ASH1L: variants seen among roughly 807,000 people sequenced by gnomAD.
ASH1L encodes ASH1 like histone lysine methyltransferase.
ASH1L carries 23 observed loss-of-function variants against 269.0 expected under a neutral mutation model. The ratio of observed to expected loss-of-function variants is 0.09; its 90% CI spans 0.06 to 0.12. The LOEUF (loss-of-function observed/expected upper bound fraction) is 0.12. Ranked by LOEUF, ASH1L falls within the 10% of genes least tolerant of loss-of-function variation. ASH1L has a pLI of 1.00. For missense variants in ASH1L, 2,912 were observed against 3,567.8 expected (o/e 0.82, Z 4.68); for synonymous variants, 1,187 against 1,253.5 (o/e 0.95, Z 1.12).
In ASH1L at chr1:155,562,203, G is replaced by A; in HGVS notation, c.-150C>T. 6.2e-7 allele frequency: 1 copy of A among 1,608,556 alleles called. No individual in the cohort carries two copies. The highest frequency in any genetic ancestry group is 8.5e-7 in the Non-Finnish European group (1 of 1,175,526). On this transcript the variant is annotated 5_prime_UTR_variant, in exon 1 of 28. Coordinates refer to ENST00000392403, the MANE Select transcript of ASH1L (RefSeq NM_018489.3). ...GAGAGCGATGAGAGTGCAGGGAAGT[G>A]GGGAAGAGGGGGTGGCCGCCAGGCT...
chr1:155,376,231 A>C (rs868294203), intron 10 of ASH1L, among the ~76,000 whole-genome samples: 1 of 152,254 alleles, frequency 6.6e-6, no homozygotes, highest in African/African-American at 2.4e-5. Flanking sequence ...TAAAATGATA[A>C]GGTGTGAATT....
chr1:155,479,123 T>C lies in ASH1L; in HGVS notation c.3747A>G (p.Lys1249=). 1 of 1,614,138 alleles carries C rather than the reference T, an allele frequency of 6.2e-7. No individual in the cohort carries two copies. The highest frequency in any genetic ancestry group is 1.1e-5 in the South Asian group (1 of 91,080). The change falls in exon 3 of 28, where the codon AAA becomes AAG. Residue 1249 remains lysine (K), a synonymous_variant. Transcript: ENST00000392403. The part of the protein sequence containing the change: ...TVLSSLKEKH[K]HKCKRRNHDY... ...CATGATTCCTGCGCTTACATTTGTG[T>C]TTATGTTTTTCTTTAAGACTGCTTA... is the stretch of plus-strand genomic sequence containing the variant.
intron 13 of ASH1L, chr1:155,358,605 G>A (rs4492610): frequency 0.25 from 38,176 of 151,244 alleles, 5,612 homozygotes; most frequent in East Asian, 0.73. Flanking sequence ...GGAGAATGGC[G>A]TGAACCTGGG....
rs532456162 is a variant in ASH1L, at chr1:155,456,739, A to T, written c.5086+3058T>A. Among the ~76,000 whole-genome samples, 42 of 152,338 alleles carry T rather than the reference A, an allele frequency of 2.8e-4. 1 individual carries two copies. The highest frequency in any genetic ancestry group is 2.5e-3 in the Admixed American group (38 of 15,304). On this transcript the variant is annotated intron_variant, in intron 4 of 27. Transcript: ENST00000392403. ...AATAGGCCAAAGACAGTCCAAATTT[A>T]ATATATCCAAATCTGAAGCCCTTAT...
intron 4 of ASH1L, among the ~76,000 whole-genome samples, chr1:155,452,544 G>A (rs1663562035): frequency 6.7e-6 from 1 of 150,322 alleles, no homozygotes; most frequent in African/African-American, 2.4e-5. Context: ...CCCTGCTAAG[G>A]TGTAACCTTT....
chr1:155,422,305 T>C, intron 5 of ASH1L, among the ~76,000 whole-genome samples: 1 of 96,026 alleles, frequency 1.0e-5, no homozygotes, highest in African/African-American at 3.6e-5. Flanking sequence ...CCCAGCTAAT[T>C]TTTTTTTTTT....
At chr1:155,348,008 T>C in intron 19 of ASH1L, 104 bp from the exon 20 acceptor site, 1 of 1,460,058 alleles carries the variant, frequency 6.8e-7, no homozygotes, top group Non-Finnish European at 9.4e-7. Context: ...CCCTCCCATT[T>C]TGGTTAACAG....
chr1:155,435,482 CAAGT>C (rs1306033744), intron 5 of ASH1L, among the ~76,000 whole-genome samples: 2 of 152,042 alleles, frequency 1.3e-5, no homozygotes, highest in East Asian at 3.8e-4. Context: ...GGGATAAGAG[CAAGT>C]GAGAGCATGT....
chr1:155,559,374 A>G (rs1299790133), intron 1 of ASH1L, among the ~76,000 whole-genome samples: 1 of 152,002 alleles, frequency 6.6e-6, no homozygotes, highest in Non-Finnish European at 1.5e-5. Context: ...TGTCTCTACT[A>G]AAAATACAAA....
rs74353643 is a variant in ASH1L at position 155,480,540 on chromosome 1, C to T, written c.2330G>A (p.Arg777His). 1.1e-3 allele frequency: 1,851 copies of T among 1,614,016 alleles called. 28 individuals carry two copies. In the African/African-American group the frequency reaches 0.023, roughly 20 times the overall value. ...PSFVDHDFLK[R>H]RLPKLSKSTA... is the part of the protein sequence containing the mutation. Reference sequence around the variant, plus strand: ...GGATTTGCTCAACTTTGGCAATCGGCGTTTAAGGAAGTCATGATCTACAAA... The same window carrying T: ...GGATTTGCTCAACTTTGGCAATCGGTGTTTAAGGAAGTCATGATCTACAAA... The change falls in exon 3 of 28, where the codon CGC becomes CAC. Residue 777 changes from arginine to histidine, a missense_variant. This residue lies in a region of ASH1L where 715 missense variants were observed against 721.0 expected (regional missense o/e 0.99). Transcript: ENST00000392403.
At chr1:155,377,302 G>A (rs932056770) in intron 10 of ASH1L, among the ~76,000 whole-genome samples, 2 of 152,102 alleles carry the variant, frequency 1.3e-5, no homozygotes, top group Non-Finnish European at 1.5e-5. Flanking sequence ...CCTATATGCC[G>A]ATGGTTTATC....
At chr1:155,468,522 T>C (rs2148695665) in intron 3 of ASH1L, among the ~76,000 whole-genome samples, 1 of 152,322 alleles carries the variant, frequency 6.6e-6, no homozygotes, top group East Asian at 1.9e-4. Context: ...AGTATTTATT[T>C]AGTCAATCAT....
intron 5 of ASH1L, among the ~76,000 whole-genome samples, chr1:155,435,142 G>C (rs1196666783): frequency 6.6e-6 from 1 of 151,976 alleles, no homozygotes; most frequent in African/African-American, 2.4e-5. Context: ...TGGGTGACTC[G>C]GTCTCAAAAA....
At chr1:155,439,260 C>T (rs1332307528) in intron 4 of ASH1L, among the ~76,000 whole-genome samples, 192 bp from the exon 5 acceptor site, 1 of 151,822 alleles carries the variant, frequency 6.6e-6, no homozygotes, top group Non-Finnish European at 1.5e-5. Flanking sequence ...CTATATTTCT[C>T]TAATAATATG....
intron 2 of ASH1L, among the ~76,000 whole-genome samples, chr1:155,506,090 T>C (rs2148806674): frequency 6.6e-6 from 1 of 152,306 alleles, no homozygotes; most frequent in South Asian, 2.1e-4. Context: ...CATGCAGTGT[T>C]TGGTTTTCTG....
At chr1:155,365,523 T>C (rs1052108942) in intron 12 of ASH1L, among the ~76,000 whole-genome samples, 1 of 152,018 alleles carries the variant, frequency 6.6e-6, no homozygotes, top group African/African-American at 2.4e-5. Context: ...ATGCCTGGCA[T>C]ATTGACAGTT....
At chr1:155,449,995 A>G (rs1663350587) in intron 4 of ASH1L, among the ~76,000 whole-genome samples, 1 of 152,104 alleles carries the variant, frequency 6.6e-6, no homozygotes, top group South Asian at 2.1e-4. Context: ...TTTTTCTGAT[A>G]ATGTTTATCT....
chr1:155,395,509 T>C lies in ASH1L; in HGVS notation c.6053A>G (p.Tyr2018Cys), dbSNP rs1658267984. ...TCCATATTCATGCTCTCCTGGAGTA[T>C]ACTCCAGCTTCTCTTTCTTTAATTG... is the stretch of plus-strand genomic sequence containing the variant. ...LIQLKKEKLE[Y>C]TPGEHEYGLF... Residue 2018 changes from tyrosine to cysteine, a missense_variant, in exon 7 of 28, where the codon TAT becomes TGT. Transcript: ENST00000392403. 6.2e-7 allele frequency: 1 copy of C among 1,612,056 alleles called. No individual in the cohort carries two copies. Among genetic ancestry groups the C allele is most frequent in the Non-Finnish European group, 8.5e-7 (1 of 1,179,394 alleles).
intron 2 of ASH1L, chr1:155,520,177 C>A (rs1249283305): frequency 6.7e-6 from 1 of 150,340 alleles, no homozygotes. Context: ...CATGGTGAAA[C>A]CTCATCTCTA....
Sources: gnomAD v4.1 joint callset for allele counts (sites outside exome capture counted in the v4.1 genomes callset) on GRCh38, gnomAD v4.1.1 for gene constraint, gnomAD v4.1.1 regional missense constraint, MANE v1.5 for transcripts, NCBI Gene and HGNC (gene_info 2026-07-23, HGNC 2026-07-21) for gene names.